The following GCNT1 variants were observed in gnomAD, a reference collection of about 807,000 sequenced individuals.
GCNT1 encodes the protein beta-1,3-galactosyl-O-glycosyl-glycoprotein beta-1,6-N-acetylglucosaminyltransferase.
Under a neutral mutation model 26.2 loss-of-function variants are expected in GCNT1, and 16 were observed. That is an observed-to-expected ratio of 0.61 (90% confidence interval 0.41 to 0.93). GCNT1 has a LOEUF of 0.93. Ranked by LOEUF, GCNT1 falls within the 40% of genes least tolerant of loss-of-function variation. The probability of loss-of-function intolerance (pLI) is 0.00; values close to 1 mark genes in which losing one functional copy is unlikely to be tolerated. For synonymous variants in GCNT1, 183 were observed against 190.8 expected, an observed-to-expected ratio of 0.96 and a Z score of 0.34; for missense variants, 477 against 526.7, an observed-to-expected ratio of 0.91 and a Z score of 0.92.
Position 76,451,964 on chromosome 9 carries a change from TTTGTTG to T in GCNT1, c.-290+9664_-290+9669del, listed in dbSNP as rs1167385350. ...TCTTTCTTTCTTTTTTTTTTTTTTTTTTGTTGTTGTTGTTGTTGTTTTGAGATGGAG... is the reference window on the plus strand; with the variant it reads ...TCTTTCTTTCTTTTTTTTTTTTTTTTTTGTTGTTGTTGTTTTGAGATGGAG... On this transcript the variant is annotated intron_variant, in intron 1 of 2. Transcript: ENST00000442371. Among the ~76,000 whole-genome samples the T allele has an allele frequency of 3.0e-3, 269 of 90,338 alleles. 16 individuals are homozygous for T. Among genetic ancestry groups the T allele is most frequent in the Middle Eastern group, 0.011 (2 of 180 alleles). 59.3% of individuals were successfully genotyped at this position (90,338 alleles called of 152,430 possible).
At chr9:76,447,670 C>A (rs375890726) in intron 1 of GCNT1, among the ~76,000 whole-genome samples, 6 of 152,266 alleles carry the variant, frequency 3.9e-5, no homozygotes, top group African/African-American at 7.2e-5. Flanking sequence ...CCAGAGGGGG[C>A]CTCTGCCACA....
At chr9:76,403,715 A>G in the GCNT1 span, among the ~76,000 whole-genome samples, 1 of 152,236 alleles carries the variant, frequency 6.6e-6, no homozygotes, top group Non-Finnish European at 1.5e-5. Flanking sequence ...ACAAAAGATA[A>G]AAAGACTGTC....
chr9:76,433,157 C>T (rs559243181), intron 1 of GCNT1, among the ~76,000 whole-genome samples: 10 of 152,306 alleles, frequency 6.6e-5, no homozygotes, highest in East Asian at 1.9e-4. Context: ...TTCTTGGATG[C>T]GGACCAAGAA....
At chr9:76,444,856 A>G (rs1242424786) in intron 1 of GCNT1, among the ~76,000 whole-genome samples, 1 of 152,176 alleles carries the variant, frequency 6.6e-6, no homozygotes, top group Non-Finnish European at 1.5e-5. Flanking sequence ...GACCACAGCA[A>G]GGGGGAATGA....
At chr9:76,407,167 T>TTA in the GCNT1 span, among the ~76,000 whole-genome samples, 1 of 151,968 alleles carries the variant, frequency 6.6e-6, no homozygotes, top group African/African-American at 2.4e-5. Context: ...TTTTTTTTTT[T>TTA]AGCTTCTGGG....
intron 2 of GCNT1, among the ~76,000 whole-genome samples, chr9:76,487,064 T>A (rs1348066030): frequency 6.6e-6 from 1 of 151,608 alleles, no homozygotes; most frequent in African/African-American, 2.4e-5. Context: ...CTGCAGGGAG[T>A]CACAGACAGG....
rs1825242444 is a variant in GCNT1 at position 76,506,477 on chromosome 9, A to C, written c.*2809A>C. 6.0e-6 allele frequency: 1 copy of C among 166,822 alleles called. No homozygotes were observed. Among genetic ancestry groups the C allele is most frequent in the East Asian group, 1.9e-4 (1 of 5,202 alleles). 10.3% of individuals were successfully genotyped at this position (166,822 alleles called of 1,614,324 possible). ...CTTGAGCCCAGGAGGCGGAGGTTGC[A>C]GTGAGCTGAGATGCCACCACCACAC... is the stretch of plus-strand genomic sequence containing the variant. On this transcript the variant is annotated 3_prime_UTR_variant, in exon 4 of 4. Coordinates refer to ENST00000376730, the MANE Select transcript of GCNT1 (RefSeq NM_001490.5).
rs1039106918 is a variant in GCNT1, at chr9:76,502,322, T to C, written c.-60T>C. On this transcript the variant is annotated 5_prime_UTR_variant, in exon 4 of 4. Coordinates refer to ENST00000376730, the MANE Select transcript of GCNT1 (RefSeq NM_001490.5). ...CAAGGCCACGACGGAGGGAAAATCA[T>C]TGGTGCTTGGAGCATAGAAGACTGC... The C allele has an allele frequency of 4.2e-6, 5 of 1,182,410 alleles. No individual in the cohort carries two copies. Among genetic ancestry groups the C allele is most frequent in the Non-Finnish European group, 4.9e-6 (4 of 824,504 alleles). 73.2% of individuals were successfully genotyped at this position (1,182,410 alleles called of 1,614,324 possible). A position where few individuals can be genotyped will look rare whatever the true frequency, so the allele number is the denominator to read the frequency against.
the GCNT1 span, among the ~76,000 whole-genome samples, chr9:76,408,622 G>C: frequency 6.6e-6 from 1 of 152,036 alleles, no homozygotes; most frequent in Non-Finnish European, 1.5e-5. Context: ...TTTAGTTTTG[G>C]TATTAGGATA....
intron 1 of GCNT1, among the ~76,000 whole-genome samples, chr9:76,423,053 A>G (rs1175561817): frequency 6.6e-6 from 1 of 152,228 alleles, no homozygotes; most frequent in African/African-American, 2.4e-5. Flanking sequence ...TTTTGACTTA[A>G]GGTATTTTCA....
At chr9:76,453,289 G>A (rs1823703247) in intron 1 of GCNT1, among the ~76,000 whole-genome samples, 1 of 152,120 alleles carries the variant, frequency 6.6e-6, no homozygotes, top group Non-Finnish European at 1.5e-5. Flanking sequence ...TGTAGGAATG[G>A]GTAGATGGGT....
rs950425569 is a variant in GCNT1 at position 76,482,623 on chromosome 9, C to CA, written c.-289-18283dup. 4.9e-3 allele frequency among the ~76,000 whole-genome samples: 717 copies of CA among 145,148 alleles called. 10 individuals carry two copies. Among genetic ancestry groups the CA allele is most frequent in the Middle Eastern group, 0.017 (5 of 288 alleles). ...TGGGCAACAGAGGGAGACTCCATCT[C>CA]AAAAAAAAAAGAACTGGTAAAATCT... On this transcript the variant is annotated intron_variant, in intron 2 of 3. Coordinates refer to ENST00000376730, the MANE Select transcript of GCNT1 (RefSeq NM_001490.5).
At chr9:76,428,973 T>G (rs1340000623) in intron 1 of GCNT1, among the ~76,000 whole-genome samples, 1 of 152,182 alleles carries the variant, frequency 6.6e-6, no homozygotes, top group African/African-American at 2.4e-5. Flanking sequence ...GTGTTGGGAT[T>G]ACAGGCATGA....
intron 1 of GCNT1, among the ~76,000 whole-genome samples, chr9:76,431,044 T>A (rs112014349): frequency 1.4e-4 from 22 of 152,218 alleles, no homozygotes; most frequent in African/African-American, 5.1e-4. Context: ...AGAATATATA[T>A]TGGAGTAGTT....
intron 1 of GCNT1, among the ~76,000 whole-genome samples, chr9:76,445,739 C>T (rs1380931358): frequency 1.3e-5 from 2 of 151,796 alleles, no homozygotes; most frequent in South Asian, 2.1e-4. Context: ...ATCTGGGAGG[C>T]CAAGGTGGAA....
rs1302096923 is a variant in GCNT1 at position 76,503,185 on chromosome 9, C to T, written c.804C>T (p.Asn268=). 7.4e-6 allele frequency: 12 copies of T among 1,614,108 alleles called. No individual in the cohort carries two copies. The highest frequency in any genetic ancestry group is 1.6e-4 in the Middle Eastern group (1 of 6,062). Residue 268 remains asparagine (N), a synonymous_variant, in exon 4 of 4, where the codon AAC becomes AAT. Transcript: ENST00000376730. ...RYEVVNGKLT[N]TGTVKMLPPL... is the part of the protein sequence containing the mutation. ...AGGTCGTTAATGGAAAGCTGACAAA[C>T]ACAGGGACTGTCAAAATGCTTCCTC... is the stretch of plus-strand genomic sequence containing the variant.
chr9:76,491,232 TCTGA>T (rs1315254397), intron 2 of GCNT1, among the ~76,000 whole-genome samples: 3 of 152,146 alleles, frequency 2.0e-5, no homozygotes, highest in African/African-American at 4.8e-5. Flanking sequence ...TCTCTCTCTC[TCTGA>T]CTTTCTCTTT....
chr9:76,477,962 G>A (rs598220), intron 2 of GCNT1, among the ~76,000 whole-genome samples: 144,881 of 152,250 alleles, frequency 0.95, 68,958 homozygotes, highest in East Asian at 1. Context: ...TAAATGCACC[G>A]ATCAGCGCTC....
At chr9:76,401,138 G>A in the GCNT1 span, among the ~76,000 whole-genome samples, 1 of 152,250 alleles carries the variant, frequency 6.6e-6, no homozygotes, top group Admixed American at 6.5e-5. Context: ...CTGGACTACA[G>A]TCCAAATAAG....
Sources: gnomAD v4.1 joint callset for allele counts (sites outside exome capture counted in the v4.1 genomes callset) on GRCh38, gnomAD v4.1.1 for gene constraint, MANE v1.5 for transcripts, NCBI Gene and HGNC (gene_info 2026-07-23, HGNC 2026-07-21) for gene names.